The following COPB1 variants were observed in gnomAD, a reference collection of about 807,000 sequenced individuals.
COPB1 encodes the protein coat protein complex I subunit beta 1, also known as coatomer subunit beta.
In COPB1, 21 loss-of-function variants were observed where a neutral mutation model predicts 108.7. The ratio of observed to expected loss-of-function variants is 0.19; its 90% CI spans 0.14 to 0.28. The LOEUF (loss-of-function observed/expected upper bound fraction) is 0.28. Among genes scored for constraint, COPB1 ranks in the 10% least tolerant of loss-of-function variants. The pLI, the probability that COPB1 is intolerant of heterozygous loss-of-function variation, is 1.00. For missense variants in COPB1, 919 were observed against 1,141.3 expected, an observed-to-expected ratio of 0.81 and a Z score of 2.81; for synonymous variants, 378 against 386.8, an observed-to-expected ratio of 0.98 and a Z score of 0.27.
intron 14 of COPB1, 132 bp from the exon 15 acceptor site, chr11:14,469,695 CCAT>C: frequency 1.3e-6 from 1 of 784,690 alleles, no homozygotes. Flanking sequence ...GATTTTATGT[CCAT>C]ATCTGTTTTT....
intron 14 of COPB1, among the ~76,000 whole-genome samples, chr11:14,471,659 T>C (rs1459159499): frequency 6.6e-6 from 1 of 152,176 alleles, no homozygotes; most frequent in Non-Finnish European, 1.5e-5. Context: ...GGCTCATGCC[T>C]GTAATCCCAG....
chr11:14,488,727 C>A, intron 5 of COPB1, 143 bp from the exon 6 acceptor site: 2 of 428,210 alleles, frequency 4.7e-6, no homozygotes, highest in Non-Finnish European at 8.2e-6. Flanking sequence ...GGAAAAAAAT[C>A]AAGAATAAAA....
In COPB1 at chr11:14,499,003, G is replaced by T; in HGVS notation, c.-57-18C>A. On this transcript the variant is annotated intron_variant, in intron 1 of 21. Coordinates refer to ENST00000439561, the MANE Select transcript of COPB1 (RefSeq NM_001144061.2). Reference sequence around the variant, plus strand: ...CAGAAAATCTAGAAAAATAAACACAGACATATCATTACAAATTAAAAAAAA... The same window carrying T: ...CAGAAAATCTAGAAAAATAAACACATACATATCATTACAAATTAAAAAAAA... 1 of 1,123,674 alleles carries T rather than the reference G, an allele frequency of 8.9e-7. No homozygotes were observed. The highest frequency in any genetic ancestry group is 1.3e-6 in the Non-Finnish European group (1 of 796,552). 69.6% of individuals were successfully genotyped at this position (1,123,674 alleles called of 1,614,324 possible).
intron 17 of COPB1, 32 bp from the exon 18 acceptor site, chr11:14,465,062 T>TACACACACACAC (rs3835110): frequency 1.3e-5 from 15 of 1,113,606 alleles, no homozygotes; most frequent in East Asian, 9.0e-5. Flanking sequence ...TGGTTAAAAA[T>TACACACACACAC]ACACACACAC....
intron 19 of COPB1, among the ~76,000 whole-genome samples, chr11:14,460,554 G>A (rs1850122909): frequency 6.6e-6 from 1 of 151,566 alleles, no homozygotes; most frequent in Non-Finnish European, 1.5e-5. Flanking sequence ...GTCTCACTCT[G>A]TCACCCAGGC....
At chr11:14,477,337 C>A (rs1321255164) in intron 11 of COPB1, among the ~76,000 whole-genome samples, 1 of 138,936 alleles carries the variant, frequency 7.2e-6, no homozygotes, top group Non-Finnish European at 1.5e-5. Flanking sequence ...TTGCAGTGAG[C>A]CAAGATCGCG....
rs1435237763 is a variant in COPB1 at position 14,498,822 on chromosome 11, T to C, written c.91+16A>G. 1.9e-6 allele frequency: 3 copies of C among 1,555,946 alleles called. No homozygotes were observed. The highest frequency in any genetic ancestry group is 2.0e-4 in the Middle Eastern group (1 of 5,020). On this transcript the variant is annotated intron_variant, in intron 2 of 21. Transcript: ENST00000439561. ...TTCTTTTTTCATTTCATTCTCAAAA[T>C]AATATCGAAGTTTACCTAGATCATT...
intron 14 of COPB1, among the ~76,000 whole-genome samples, chr11:14,470,953 CTCTCTA>C (rs1414311535): frequency 6.8e-6 from 1 of 148,128 alleles, no homozygotes; most frequent in African/African-American, 2.6e-5. Flanking sequence ...CACTCTCTCT[CTCTCTA>C]CACCCAGGGA....
chr11:14,474,569 C>T lies in COPB1; in HGVS notation c.1663G>A (p.Ala555Thr). ...TTGGTCAGAGTTGTGGCAAGGGAGGCAGCAACAAAGAAATCTCCATCCAGA... is the reference window on the plus strand; with the variant it reads ...TTGGTCAGAGTTGTGGCAAGGGAGGTAGCAACAAAGAAATCTCCATCCAGA... ...FLLDGDFFVA[A>T]SLATTLTKIA... Residue 555 changes from alanine to threonine, a missense_variant, in exon 14 of 22, where the codon GCC becomes ACC. Ala to Thr is a moderately conservative substitution (Grantham distance 58). Transcript: ENST00000439561. The T allele has an allele frequency of 6.2e-7, 1 of 1,613,936 alleles. No homozygotes were observed. Among genetic ancestry groups the T allele is most frequent in the South Asian group, 1.1e-5 (1 of 91,072 alleles).
intron 10 of COPB1, among the ~76,000 whole-genome samples, chr11:14,480,295 A>C (rs1441194619): frequency 6.6e-6 from 1 of 152,200 alleles, no homozygotes; most frequent in Non-Finnish European, 1.5e-5. Context: ...CTAAATTGTA[A>C]CTAAAATCAT....
At chr11:14,494,913 T>C (rs957865673) in intron 2 of COPB1, among the ~76,000 whole-genome samples, 1 of 152,202 alleles carries the variant, frequency 6.6e-6, no homozygotes. Context: ...AAGAGAAACG[T>C]CATACTCAAA....
At chr11:14,466,236 G>T (rs571236056) in intron 17 of COPB1, 46 bp downstream of exon 17, 2 of 1,587,736 alleles carry the variant, frequency 1.3e-6, no homozygotes, top group Admixed American at 1.7e-5. Context: ...CTGTCATAAA[G>T]ATCTACTATG....
rs576942581 is a variant in COPB1, at chr11:14,469,043, G to C, written c.1966-183C>G. On this transcript the variant is annotated intron_variant, in intron 15 of 21. Coordinates refer to ENST00000439561, the MANE Select transcript of COPB1 (RefSeq NM_001144061.2). The stretch of plus-strand genomic sequence containing the variant: ...CAGGCTGTTACTCTGTTGCCCAGGC[G>C]GAGTGCAGTGGTATGATCACAGCTC... Among the ~76,000 whole-genome samples the C allele has an allele frequency of 2.0e-5, 3 of 152,062 alleles. No individual in the cohort carries two copies. In the East Asian group the frequency reaches 5.8e-4, roughly 29 times the overall value.
chr11:14,471,290 T>C (rs1850396605), intron 14 of COPB1, among the ~76,000 whole-genome samples: 1 of 152,148 alleles, frequency 6.6e-6, no homozygotes, highest in East Asian at 1.9e-4. Context: ...GCAACCAAAC[T>C]TCCTTCTTGT....
intron 20 of COPB1, 52 bp from the exon 21 acceptor site, chr11:14,458,739 G>GCA: frequency 6.6e-7 from 1 of 1,516,166 alleles, no homozygotes; most frequent in Admixed American, 2.1e-5. Context: ...CTACATAGAG[G>GCA]CAAAAACCAA....
intron 18 of COPB1, among the ~76,000 whole-genome samples, chr11:14,462,510 G>A (rs1281489765): frequency 6.6e-6 from 1 of 152,098 alleles, no homozygotes; most frequent in Non-Finnish European, 1.5e-5. Flanking sequence ...GGGATTACAG[G>A]CATGAGCCAC....
chr11:14,494,903 A>C (rs1402057084), intron 2 of COPB1, among the ~76,000 whole-genome samples: 1 of 152,208 alleles, frequency 6.6e-6, no homozygotes, highest in Admixed American at 6.5e-5. Context: ...TAACATTAGA[A>C]AGAGAAACGT....
At chr11:14,485,522 C>T (rs1850749721) in intron 7 of COPB1, among the ~76,000 whole-genome samples, 1 of 152,106 alleles carries the variant, frequency 6.6e-6, no homozygotes, top group South Asian at 2.1e-4. Context: ...TACTGTTGGC[C>T]AGAAGCCTTA....
rs1421078132 is a variant in COPB1, at chr11:14,464,921, A to G, written c.2400T>C (p.Phe800=). Residue 800 remains phenylalanine, a synonymous_variant, in exon 18 of 22, where the codon TTT becomes TTC. Transcript: ENST00000439561. ...AAAACAGCACCTTACCTATATTACC[A>G]AAAATTATTCCATTTTCTGTTGATG... is the stretch of plus-strand genomic sequence containing the variant. ...KVASTENGII[F]GNIVYDVSGA... is the part of the protein sequence containing the mutation. 2 of 1,612,670 alleles carry G rather than the reference A, an allele frequency of 1.2e-6. No homozygotes were observed. Among genetic ancestry groups the G allele is most frequent in the African/African-American group, 2.7e-5 (2 of 74,878 alleles).
Sources: allele counts gnomAD v4.1 joint callset (sites outside exome capture counted in the v4.1 genomes callset), GRCh38; gene constraint gnomAD v4.1.1; transcripts MANE v1.5; gene names NCBI Gene and HGNC (gene_info 2026-07-23, HGNC 2026-07-21).